The following MEGF10 variants were observed in gnomAD, a reference collection of about 807,000 sequenced individuals.
MEGF10 encodes the protein multiple EGF like domains 10.
A neutral mutation model predicts 147.5 loss-of-function variants in MEGF10; 86 were observed. That is an observed-to-expected ratio of 0.58 (90% CI 0.49 to 0.70). MEGF10 has a LOEUF of 0.70. Ranked by LOEUF, MEGF10 falls within the 30% of genes least tolerant of loss-of-function variation. The pLI is 0.00. For missense variants in MEGF10, 1,329 were observed against 1,487.3 expected (o/e 0.89, Z 1.75); for synonymous variants, 478 against 525.5 (o/e 0.91, Z 1.24).
the MEGF10 span, among the ~76,000 whole-genome samples, chr5:127,247,400 A>C: frequency 3.7e-5 from 2 of 54,170 alleles, no homozygotes; most frequent in Non-Finnish European, 7.2e-5. Flanking sequence ...AAGAAGAAGA[A>C]GAAGAAGAAG....
At chr5:127,438,655 A>C in intron 17 of MEGF10, 88 bp downstream of exon 17, 1 of 1,447,780 alleles carries the variant, frequency 6.9e-7, no homozygotes, top group Non-Finnish European at 9.4e-7. Flanking sequence ...ACTGGAGCTC[A>C]ACAAAGGTCC....
chr5:127,402,503 T>C (rs934513356), intron 7 of MEGF10, 43 bp from the exon 8 acceptor site: 5 of 1,591,838 alleles, frequency 3.1e-6, no homozygotes, highest in Non-Finnish European at 4.3e-6. Context: ...TGTCTTTCCC[T>C]GGCTGGAGGC....
chr5:127,344,044 T>C (rs1761782502), intron 4 of MEGF10, among the ~76,000 whole-genome samples: 1 of 152,162 alleles, frequency 6.6e-6, no homozygotes, highest in Non-Finnish European at 1.5e-5. Flanking sequence ...TACTTGTCCA[T>C]ATAAAGGAAG....
At chr5:127,340,256 G>A (rs1377333058) in intron 3 of MEGF10, among the ~76,000 whole-genome samples, 1 of 152,116 alleles carries the variant, frequency 6.6e-6, no homozygotes, top group Non-Finnish European at 1.5e-5. Context: ...ACATACGTAA[G>A]TGAATGATGC....
At chr5:127,320,525 G>A (rs889507598) in intron 1 of MEGF10, among the ~76,000 whole-genome samples, 9 of 152,162 alleles carry the variant, frequency 5.9e-5, no homozygotes, top group Non-Finnish European at 1.2e-4. Context: ...CTGAAACAAA[G>A]CCCCATTTTA....
In MEGF10 at chr5:127,435,419, C is replaced by A; in HGVS notation, c.2034C>A (p.Asn678Lys). 6.2e-7 allele frequency: 1 copy of A among 1,614,086 alleles called. No homozygotes were observed. Residue 678 changes from asparagine to lysine, a missense_variant, in exon 16 of 25, where the codon AAC becomes AAA. By Grantham distance (94) the Asn-to-Lys change is moderately conservative. Coordinates refer to ENST00000503335, the MANE Select transcript of MEGF10 (RefSeq NM_001256545.2). ...NCAGICTCTN[N>K]GTCNPIDRSC... ...CAGGAATTTGTACCTGCACCAACAA[C>A]GGAACCTGTAACCCCATTGACAGAT...
Position 127,419,156 on chromosome 5 carries a change from T to C in MEGF10, c.1342T>C (p.Tyr448His), listed in dbSNP as rs1376280636. The C allele has an allele frequency of 2.5e-6, 4 of 1,614,022 alleles. No individual in the cohort carries two copies. The highest frequency in any genetic ancestry group is 1.3e-5 in the African/African-American group (1 of 74,930). The change falls in exon 11 of 25, where the codon TAT becomes CAT. Residue 448 changes from tyrosine to histidine, a missense_variant. Tyr to His is a moderately conservative substitution (Grantham distance 83). This residue lies in a region of MEGF10 where 980 missense variants were observed against 1,085.9 expected (regional missense o/e 0.90). Transcript: ENST00000503335. ...DCSTPCPLGT[Y>H]GINCSSRCGC... ...CTCTACCCCATGCCCTCTGGGAACC[T>C]ATGGGATAAACTGTTCCTCTCGCTG... is the stretch of plus-strand genomic sequence containing the variant.
chr5:127,283,354 C>G, the MEGF10 span, among the ~76,000 whole-genome samples: 6,094 of 152,102 alleles, frequency 0.04, 401 homozygotes, highest in African/African-American at 0.14. Context: ...TTAAAAAAAG[C>G]AATTTCAGGA....
chr5:127,304,778 A>G lies in MEGF10; in HGVS notation c.-19+13722A>G, dbSNP rs555274602. ...CTAAAGTTCTGGAGTTACAGGGGTG[A>G]TCCACTGCAACTGGCCTGGAGGTGT... On this transcript the variant is annotated intron_variant, in intron 1 of 24. Coordinates refer to ENST00000503335, the MANE Select transcript of MEGF10 (RefSeq NM_001256545.2). Among the ~76,000 whole-genome samples the G allele has an allele frequency of 1.6e-4, 24 of 152,296 alleles. No homozygotes were observed. In the South Asian group the frequency reaches 4.6e-3, roughly 29 times the overall value.
At chr5:127,325,868 T>TAC (rs1561572178) in intron 1 of MEGF10, among the ~76,000 whole-genome samples, 2 of 144,518 alleles carry the variant, frequency 1.4e-5, no homozygotes, top group Non-Finnish European at 1.5e-5. Context: ...TATATATATA[T>TAC]ACATATATGT....
At chr5:127,391,102 G>GCACACACACACACACACA (rs70997334) in intron 5 of MEGF10, among the ~76,000 whole-genome samples, 2 of 53,894 alleles carry the variant, frequency 3.7e-5, no homozygotes, top group South Asian at 5.9e-4. Flanking sequence ...GCGCGCGCGC[G>GCACACACACACACACACA]CACACACACA....
At chr5:127,384,019 A>G (rs1209712734) in intron 5 of MEGF10, among the ~76,000 whole-genome samples, 1 of 152,192 alleles carries the variant, frequency 6.6e-6, no homozygotes, top group Non-Finnish European at 1.5e-5. Context: ...GTGGTCCTGA[A>G]TATTCATCCT....
At chr5:127,449,027 C>T (rs1487541697) in intron 21 of MEGF10, 72 bp from the exon 22 acceptor site, 1 of 1,575,496 alleles carries the variant, frequency 6.3e-7, no homozygotes, top group Non-Finnish European at 8.6e-7. Context: ...GGACTTTTCC[C>T]CAGGTCCATA....
chr5:127,325,779 A>T (rs914863319), intron 1 of MEGF10, among the ~76,000 whole-genome samples: 1 of 151,072 alleles, frequency 6.6e-6, no homozygotes, highest in Non-Finnish European at 1.5e-5. Context: ...TTTTGTGGAG[A>T]TGGGGCTTGT....
chr5:127,454,888 C>T (rs762518073), intron 23 of MEGF10, among the ~76,000 whole-genome samples: 8 of 152,004 alleles, frequency 5.3e-5, no homozygotes, highest in East Asian at 1.9e-4. Context: ...TATGGGGAGA[C>T]GGAAACATAT....
In MEGF10 at chr5:127,389,107, A is replaced by G. The variant is rs747377954; in HGVS notation, c.413-7425A>G. On this transcript the variant is annotated intron_variant, in intron 5 of 24. Transcript: ENST00000503335. ...TCATGTAAAGCCCTTGACCTTTTGT[A>G]TGCAGAAAGCCTTGGGTTTGAGTAC... Among the ~76,000 whole-genome samples the G allele has an allele frequency of 6.6e-5, 10 of 152,318 alleles. No individual in the cohort carries two copies. The South Asian group carries it at 2.1e-3, about 32-fold the overall frequency.
intron 1 of MEGF10, among the ~76,000 whole-genome samples, chr5:127,324,195 G>A (rs2126768196): frequency 9.7e-6 from 1 of 102,806 alleles, no homozygotes; most frequent in Middle Eastern, 7.8e-3. Flanking sequence ...AAAACGCTAA[G>A]AGGGCTTTTA....
At chr5:127,240,203 G>T in the MEGF10 span, among the ~76,000 whole-genome samples, 1 of 152,174 alleles carries the variant, frequency 6.6e-6, no homozygotes, top group Admixed American at 6.5e-5. Flanking sequence ...TCTTTATCAA[G>T]TCAGGGCTTA....
chr5:127,276,320 T>C, the MEGF10 span, among the ~76,000 whole-genome samples: 1 of 152,166 alleles, frequency 6.6e-6, no homozygotes, highest in Admixed American at 6.5e-5. Context: ...TCCCAGAGGG[T>C]AGTTGGGTAA....
Sources: allele counts gnomAD v4.1 joint callset (sites outside exome capture counted in the v4.1 genomes callset), GRCh38; gene constraint gnomAD v4.1.1; regional missense constraint gnomAD v4.1.1; transcripts MANE v1.5; gene names NCBI Gene and HGNC (gene_info 2026-07-23, HGNC 2026-07-21).